Variants in TRPC7 observed in about 807,000 individuals in gnomAD.
TRPC7 encodes short transient receptor potential channel 7.
TRPC7 carries 42 observed loss-of-function variants against 90.1 expected under a neutral mutation model. The ratio of observed to expected loss-of-function variants is 0.47; its 90% CI spans 0.36 to 0.60. The LOEUF is 0.60. TRPC7 is among the 20% of genes least tolerant of loss of function. The pLI is 0.00. For synonymous variants in TRPC7, 451 were observed against 436.3 expected, an observed-to-expected ratio of 1.03 and a Z score of -0.42; for missense variants, 955 against 1,112.3, an observed-to-expected ratio of 0.86 and a Z score of 2.01.
At position 136,257,245 on chromosome 5, in the gene TRPC7, C is replaced by T. The variant is rs186280762; in HGVS notation, c.1346-5363G>A. On this transcript the variant is annotated intron_variant, in intron 5 of 11. Transcript: ENST00000513104. ...TCGCCCAGGCTGGAGTGCAGTGGTG[C>T]GATCTCAGCTCACTGCAACCCCCAC... 2.8e-3 allele frequency among the ~76,000 whole-genome samples: 421 copies of T among 148,900 alleles called. 1 individual carries two copies. The highest frequency in any genetic ancestry group is 9.9e-3 in the African/African-American group (398 of 40,312).
At chr5:136,238,413 G>A (rs1405649032) in intron 7 of TRPC7, among the ~76,000 whole-genome samples, 1 of 152,122 alleles carries the variant, frequency 6.6e-6, no homozygotes, top group Non-Finnish European at 1.5e-5. Flanking sequence ...TTTGTCAATG[G>A]ATGATGGAAC....
At chr5:136,304,137 G>C (rs545611209) in intron 3 of TRPC7, among the ~76,000 whole-genome samples, 1 of 150,056 alleles carries the variant, frequency 6.7e-6, no homozygotes, top group South Asian at 2.1e-4. Context: ...GCATCTCATT[G>C]CTGCCCTTCT....
In TRPC7 at chr5:136,321,249, CTGA is replaced by C. The variant is rs1759187867; in HGVS notation, c.781-5473_781-5471del. 4.9e-4 allele frequency among the ~76,000 whole-genome samples: 74 copies of C among 152,134 alleles called. 4 individuals carry two copies. ...TTGGCACACTTGAGGCTCAATTGTG[CTGA>C]CTCTCAACTAACTTGGGGGAAACAA... On this transcript the variant is annotated intron_variant, in intron 2 of 11. Coordinates refer to ENST00000513104, the MANE Select transcript of TRPC7 (RefSeq NM_020389.3).
intron 10 of TRPC7, among the ~76,000 whole-genome samples, chr5:136,219,017 C>T (rs1156343403): frequency 2.0e-5 from 3 of 152,216 alleles, no homozygotes; most frequent in African/African-American, 4.8e-5. Context: ...AGCATCAAAA[C>T]AAAGGCTCAA....
At chr5:136,322,367 T>C (rs969893589) in intron 2 of TRPC7, among the ~76,000 whole-genome samples, 2 of 152,170 alleles carry the variant, frequency 1.3e-5, no homozygotes, top group African/African-American at 4.8e-5. Context: ...TTCTTTAGGG[T>C]AAATGCCTAG....
At chr5:136,273,584 C>T (rs1469474286) in intron 4 of TRPC7, among the ~76,000 whole-genome samples, 1 of 152,098 alleles carries the variant, frequency 6.6e-6, no homozygotes, top group Non-Finnish European at 1.5e-5. Context: ...ACCAGCAGCC[C>T]CGAAGTCTCG....
intron 7 of TRPC7, among the ~76,000 whole-genome samples, chr5:136,244,091 G>A (rs373973807): frequency 2.0e-5 from 3 of 151,954 alleles, no homozygotes; most frequent in African/African-American, 7.2e-5. Flanking sequence ...TTGTGGCTAG[G>A]TCAGCCCTAC....
At chr5:136,280,815 A>G (rs2149818336) in intron 3 of TRPC7, among the ~76,000 whole-genome samples, 1 of 152,336 alleles carries the variant, frequency 6.6e-6, no homozygotes, top group South Asian at 2.1e-4. Context: ...ATTCTGTGTC[A>G]GGTCCTGTGC....
intron 2 of TRPC7, among the ~76,000 whole-genome samples, chr5:136,324,267 T>G (rs569183427): frequency 7.4e-4 from 113 of 152,286 alleles, no homozygotes; most frequent in African/African-American, 2.6e-3. Context: ...AACACCTAGT[T>G]CAAATGTATT....
intron 5 of TRPC7, among the ~76,000 whole-genome samples, chr5:136,262,178 AATC>A (rs1756880307): frequency 6.6e-6 from 1 of 152,200 alleles, no homozygotes. Context: ...CGTATCCCAC[AATC>A]ATCTATTCTC....
intron 10 of TRPC7, among the ~76,000 whole-genome samples, chr5:136,217,659 C>T (rs1198533982): frequency 1.3e-5 from 2 of 152,200 alleles, no homozygotes; most frequent in African/African-American, 4.8e-5. Context: ...GGTTAAACTG[C>T]AGCGCTGAAT....
chr5:136,223,544 C>T (rs915691156), intron 10 of TRPC7, among the ~76,000 whole-genome samples: 10 of 151,302 alleles, frequency 6.6e-5, no homozygotes, highest in African/African-American at 1.5e-4. Flanking sequence ...ACCTGGGAGG[C>T]GGAGGTTGCA....
intron 2 of TRPC7, among the ~76,000 whole-genome samples, chr5:136,328,720 G>C (rs1484710244): frequency 6.6e-6 from 1 of 152,262 alleles, no homozygotes; most frequent in Non-Finnish European, 1.5e-5. Context: ...TATGTGGCAA[G>C]TATTGACCAA....
chr5:136,315,887 G>A, intron 2 of TRPC7, 108 bp from the exon 3 acceptor site: 2 of 1,091,224 alleles, frequency 1.8e-6, no homozygotes, highest in Non-Finnish European at 1.3e-6. Context: ...TGACCTTATG[G>A]AGCACATTGG....
intron 8 of TRPC7, among the ~76,000 whole-genome samples, chr5:136,227,701 C>A (rs1260000158): frequency 6.6e-6 from 1 of 152,204 alleles, no homozygotes; most frequent in African/African-American, 2.4e-5. Flanking sequence ...TGGTATAGTG[C>A]AAAGCACATG....
intron 2 of TRPC7, among the ~76,000 whole-genome samples, chr5:136,340,691 G>A (rs1759818202): frequency 6.6e-6 from 1 of 151,678 alleles, no homozygotes; most frequent in African/African-American, 2.4e-5. Context: ...TTTCCGTTCA[G>A]AAAAGAATAC....
intron 2 of TRPC7, among the ~76,000 whole-genome samples, chr5:136,339,138 G>A (rs1245778104): frequency 2.0e-5 from 3 of 152,146 alleles, no homozygotes; most frequent in Admixed American, 6.5e-5. Flanking sequence ...AAGGAGAAGA[G>A]GAATGTTTCT....
chr5:136,307,585 G>T (rs554153170), intron 3 of TRPC7, among the ~76,000 whole-genome samples: 17 of 152,338 alleles, frequency 1.1e-4, no homozygotes, highest in South Asian at 2.1e-4. Flanking sequence ...AAACAGCCAA[G>T]AGGTTCTCAA....
intron 2 of TRPC7, among the ~76,000 whole-genome samples, chr5:136,343,635 G>A (rs1056104751): frequency 2.0e-5 from 3 of 152,088 alleles, no homozygotes; most frequent in African/African-American, 4.8e-5. Flanking sequence ...TGGGTCTTAA[G>A]GTCTTCACTT....
Sources: gnomAD v4.1 joint callset for allele counts (sites outside exome capture counted in the v4.1 genomes callset) on GRCh38, gnomAD v4.1.1 for gene constraint, MANE v1.5 for transcripts, NCBI Gene and HGNC (gene_info 2026-07-23, HGNC 2026-07-21) for gene names.